The following PTPRN2 variants were observed in gnomAD, a reference collection of about 807,000 sequenced individuals.
PTPRN2 encodes the protein protein tyrosine phosphatase receptor type N2.
A neutral mutation model predicts 118.8 loss-of-function variants in PTPRN2; 74 were observed. The observed-to-expected ratio is 0.62, with a 90% CI of 0.52 to 0.76. PTPRN2 has a LOEUF of 0.76. Among genes scored for constraint, PTPRN2 ranks in the 30% least tolerant of loss-of-function variants. PTPRN2 has a pLI of 0.00. For synonymous variants in PTPRN2, 641 were observed against 608.0 expected (o/e 1.05, Z -0.80); for missense variants, 1,481 against 1,394.4 (o/e 1.06, Z -0.99).
intron 12 of PTPRN2, among the ~76,000 whole-genome samples, chr7:157,774,751 C>T (rs188001764): frequency 1.2e-4 from 18 of 152,176 alleles, no homozygotes; most frequent in Admixed American, 5.9e-4. Context: ...GGGAGGTCTT[C>T]GAGTCAACAA....
intron 2 of PTPRN2, among the ~76,000 whole-genome samples, chr7:158,372,515 C>T (rs549028776): frequency 9.5e-5 from 14 of 146,970 alleles, no homozygotes; most frequent in Admixed American, 2.7e-4. Context: ...AGCTGGTACC[C>T]GGAGCTGGTC....
chr7:158,336,600 CACACTCTCACCATAATTGGTGACACAT>C (rs1805590246), intron 2 of PTPRN2, among the ~76,000 whole-genome samples: 1 of 147,994 alleles, frequency 6.8e-6, no homozygotes, highest in African/African-American at 2.5e-5. Flanking sequence ...CATTCACACC[CACACTCTCACCATAATTGGTGACACAT>C]GCAGACGTCA....
chr7:157,991,900 G>A (rs1460735697), intron 11 of PTPRN2, among the ~76,000 whole-genome samples: 1 of 151,576 alleles, frequency 6.6e-6, no homozygotes, highest in African/African-American at 2.4e-5. Flanking sequence ...GCTCAAAAAA[G>A]GCTCCCAGCA....
chr7:158,175,638 A>AG (rs999692394), intron 5 of PTPRN2, among the ~76,000 whole-genome samples: 33 of 152,312 alleles, frequency 2.2e-4, no homozygotes, highest in South Asian at 6.2e-4. Context: ...TCAGGGAAGC[A>AG]GGGGGGTCTC....
Position 157,893,599 on chromosome 7 carries a change from C to T in PTPRN2, c.1788+5074G>A, listed in dbSNP as rs1309384917. On this transcript the variant is annotated intron_variant, in intron 12 of 22. Coordinates refer to ENST00000389418, the MANE Select transcript of PTPRN2 (RefSeq NM_002847.5). The surrounding 1 kb of genome is among the most constrained non-coding windows in gnomAD (Gnocchi z 4.0). The stretch of plus-strand genomic sequence containing the variant: ...AGATAAGAAAACCTGACGGGAGAAA[C>T]AGGCTGCGGCAGGAAGATCAAGAGC... 1.3e-5 allele frequency among the ~76,000 whole-genome samples: 2 copies of T among 152,204 alleles called. No individual in the cohort carries two copies. The highest frequency in any genetic ancestry group is 4.8e-5 in the African/African-American group (2 of 41,440).
At chr7:157,733,586 C>T (rs61169385) in intron 12 of PTPRN2, among the ~76,000 whole-genome samples, 953 of 5,952 alleles carry the variant, frequency 0.16, 34 homozygotes, top group Non-Finnish European at 0.17. Flanking sequence ...GCACAGTTAC[C>T]CTTTCCCGTC....
At chr7:158,425,511 G>A (rs1268055914) in intron 2 of PTPRN2, among the ~76,000 whole-genome samples, 2 of 71,500 alleles carry the variant, frequency 2.8e-5, no homozygotes, top group Admixed American at 2.5e-4. Flanking sequence ...CGGGAAAGAC[G>A]CGGGGTCCGA....
intron 21 of PTPRN2, among the ~76,000 whole-genome samples, chr7:157,568,510 A>G (rs1799597352): frequency 6.6e-6 from 1 of 152,198 alleles, no homozygotes; most frequent in African/African-American, 2.4e-5. Context: ...CAAATACTGG[A>G]GCGGCATTCT....
At chr7:158,241,989 A>C (rs1418037221) in intron 3 of PTPRN2, among the ~76,000 whole-genome samples, 7 of 152,094 alleles carry the variant, frequency 4.6e-5, no homozygotes, top group African/African-American at 1.7e-4. Flanking sequence ...ATCTTCACTA[A>C]ACTAGCTTTG....
At chr7:158,097,686 G>C (rs1341257959) in intron 10 of PTPRN2, among the ~76,000 whole-genome samples, 1 of 152,202 alleles carries the variant, frequency 6.6e-6, no homozygotes, top group Admixed American at 6.5e-5. Context: ...GCCGCAGACA[G>C]CCACAATCAC....
intron 11 of PTPRN2, among the ~76,000 whole-genome samples, chr7:157,941,341 G>T (rs71544516): frequency 1.2e-5 from 1 of 83,318 alleles, no homozygotes; most frequent in Non-Finnish European, 2.0e-5. Flanking sequence ...CCACGACACT[G>T]CAAATCTGAC....
chr7:158,294,942 A>C (rs1245263603), intron 3 of PTPRN2, among the ~76,000 whole-genome samples: 1 of 120,532 alleles, frequency 8.3e-6, no homozygotes, highest in African/African-American at 3.4e-5. Context: ...TGGTTCACCC[A>C]CCTTTCTGAG....
rs564270435 is a variant in PTPRN2 at position 158,544,879 on chromosome 7, C to A, written c.112+42679G>T. ...TTGCAGTTTTCTGCTAACACTTACA[C>A]CTGCCCACACTGGTGCTCACACTCA... is the stretch of plus-strand genomic sequence containing the variant. On this transcript the variant is annotated intron_variant, in intron 1 of 22. Coordinates refer to ENST00000389418, the MANE Select transcript of PTPRN2 (RefSeq NM_002847.5). The surrounding 1 kb of genome is among the most constrained non-coding windows in gnomAD (Gnocchi z 4.2). 6.6e-6 allele frequency among the ~76,000 whole-genome samples: 1 copy of A among 152,320 alleles called. No individual in the cohort carries two copies. The highest frequency in any genetic ancestry group is 1.9e-4 in the East Asian group (1 of 5,172).
intron 10 of PTPRN2, among the ~76,000 whole-genome samples, chr7:158,082,213 G>A (rs1272947824): frequency 6.6e-6 from 1 of 152,152 alleles, no homozygotes; most frequent in Non-Finnish European, 1.5e-5. Context: ...TCCCTGGGAG[G>A]TGCCTGCACT....
At chr7:158,085,185 C>G (rs567655155) in intron 10 of PTPRN2, among the ~76,000 whole-genome samples, 1 of 134,902 alleles carries the variant, frequency 7.4e-6, no homozygotes, top group Admixed American at 7.2e-5. Context: ...TCCACACCCA[C>G]GACGCCCATC....
rs538149084 is a variant in PTPRN2, at chr7:157,861,920, G to A, written c.1788+36753C>T. Among the ~76,000 whole-genome samples, 863 of 126,180 alleles carry A rather than the reference G, an allele frequency of 6.8e-3. 4 individuals are homozygous for A. Among genetic ancestry groups the A allele is most frequent in the African/African-American group, 0.026 (828 of 32,282 alleles). The allele number at this position is 126,180 out of a possible 152,430, so 82.8% of individuals were successfully genotyped here. A position where few individuals can be genotyped will look rare whatever the true frequency, so the allele number is the denominator to read the frequency against. ...TGCTGCTTCGAGGACTCTGTGTGCC[G>A]GAGTCTGTCCTCCCCATCACAGGGA... On this transcript the variant is annotated intron_variant, in intron 12 of 22. Transcript: ENST00000389418. The surrounding 1 kb of genome is among the most constrained non-coding windows in gnomAD (Gnocchi z 5.8).
rs1015752094 is a variant in PTPRN2, at chr7:157,583,664, A to T, written c.2497-5524T>A. Among the ~76,000 whole-genome samples, 1 of 152,216 alleles carries T rather than the reference A, an allele frequency of 6.6e-6. No homozygotes were observed. The highest frequency in any genetic ancestry group is 1.5e-5 in the Non-Finnish European group (1 of 68,040). Reference sequence around the variant, plus strand: ...TTTGGGAGGCCAAGGCAGGCGAATCACTTGAGGTCAGGAGTTCGAGACTAG... The same window carrying T: ...TTTGGGAGGCCAAGGCAGGCGAATCTCTTGAGGTCAGGAGTTCGAGACTAG... On this transcript the variant is annotated intron_variant, in intron 17 of 22. Coordinates refer to ENST00000389418, the MANE Select transcript of PTPRN2 (RefSeq NM_002847.5). This position sits in a 1 kb window ranked among gnomAD's most constrained non-coding sequence, Gnocchi z 5.5.
chr7:157,900,585 G>T (rs963896563), intron 11 of PTPRN2, among the ~76,000 whole-genome samples: 7 of 152,214 alleles, frequency 4.6e-5, no homozygotes, highest in African/African-American at 1.7e-4. Flanking sequence ...GGCACTCCTT[G>T]CCCAGATATT....
chr7:157,714,075 A>G (rs890956228), intron 12 of PTPRN2, among the ~76,000 whole-genome samples: 1 of 152,242 alleles, frequency 6.6e-6, no homozygotes, highest in Non-Finnish European at 1.5e-5. Context: ...ATCGTCTTCT[A>G]TATCTTATTC....
Sources: allele counts gnomAD v4.1 joint callset (sites outside exome capture counted in the v4.1 genomes callset), GRCh38; gene constraint gnomAD v4.1.1; non-coding constraint Gnocchi (gnomAD v3.1); transcripts MANE v1.5; gene names NCBI Gene and HGNC (gene_info 2026-07-23, HGNC 2026-07-21).